Variants in SLC25A21 observed in about 807,000 individuals in gnomAD.
SLC25A21 encodes the protein solute carrier family 25 member 21, also known as mitochondrial 2-oxodicarboxylate carrier.
Under a neutral mutation model 43.8 loss-of-function variants are expected in SLC25A21, and 47 were observed. That is an observed-to-expected ratio of 1.07 (90% CI 0.85 to 1.37). The LOEUF is 1.37. Among genes scored for constraint, SLC25A21 ranks in the 40% most tolerant of loss-of-function variants. The pLI is 0.00. For synonymous variants in SLC25A21, 131 were observed against 121.3 expected, an observed-to-expected ratio of 1.08 and a Z score of -0.52; for missense variants, 352 against 350.2, an observed-to-expected ratio of 1.00 and a Z score of -0.04.
chr14:36,741,464 G>A (rs879325875), intron 3 of SLC25A21, among the ~76,000 whole-genome samples: 1 of 152,138 alleles, frequency 6.6e-6, no homozygotes, highest in Non-Finnish European at 1.5e-5. Flanking sequence ...CCTCCTAAAA[G>A]AGGAGAAGAT....
At chr14:36,844,462 T>A (rs1889481423) in intron 2 of SLC25A21, among the ~76,000 whole-genome samples, 1 of 152,036 alleles carries the variant, frequency 6.6e-6, no homozygotes, top group Admixed American at 6.5e-5. Context: ...CACATAAAAC[T>A]GGATTATCCA....
intron 3 of SLC25A21, among the ~76,000 whole-genome samples, chr14:36,756,287 T>C (rs1157281078): frequency 6.6e-6 from 1 of 152,226 alleles, no homozygotes; most frequent in Non-Finnish European, 1.5e-5. Context: ...TGGAAGACGA[T>C]GTTCGGCCGC....
At chr14:36,975,824 G>A (rs1329467492) in intron 1 of SLC25A21, among the ~76,000 whole-genome samples, 2 of 152,214 alleles carry the variant, frequency 1.3e-5, no homozygotes, top group Non-Finnish European at 2.9e-5. Flanking sequence ...AGGTGATGGA[G>A]CAACAGTCAC....
chr14:36,942,563 C>T (rs1256756722), intron 1 of SLC25A21, among the ~76,000 whole-genome samples: 2 of 152,032 alleles, frequency 1.3e-5, no homozygotes, highest in Non-Finnish European at 2.9e-5. Flanking sequence ...AACTATGCAA[C>T]CAAATGTTAT....
intron 1 of SLC25A21, among the ~76,000 whole-genome samples, chr14:37,129,663 G>T: frequency 6.9e-6 from 1 of 145,096 alleles, no homozygotes; most frequent in Non-Finnish European, 1.5e-5. Context: ...TAACCATTAA[G>T]TAACAGTTAT....
intron 1 of SLC25A21, among the ~76,000 whole-genome samples, chr14:36,957,283 C>T (rs1435407767): frequency 6.6e-6 from 1 of 152,240 alleles, no homozygotes; most frequent in Middle Eastern, 3.4e-3. Context: ...CAGGAAGACC[C>T]TAGGGAGGAA....
intron 1 of SLC25A21, among the ~76,000 whole-genome samples, chr14:36,880,501 G>A (rs1465559237): frequency 1.3e-5 from 2 of 152,066 alleles, no homozygotes; most frequent in Non-Finnish European, 2.9e-5. Flanking sequence ...GAAGCTCCAC[G>A]AGGACAGAGA....
At chr14:36,705,346 C>G (rs560027168) in intron 7 of SLC25A21, among the ~76,000 whole-genome samples, 1 of 152,148 alleles carries the variant, frequency 6.6e-6, no homozygotes, top group South Asian at 2.1e-4. Flanking sequence ...CGTCCGGCGG[C>G]TTACTGTTTT....
At position 36,846,484 on chromosome 14, in the gene SLC25A21, C is replaced by T. The variant is rs112198245; in HGVS notation, c.119+28472G>A. Among the ~76,000 whole-genome samples the T allele has an allele frequency of 3.4e-3, 521 of 152,118 alleles. 1 individual carries two copies. Among genetic ancestry groups the T allele is most frequent in the African/African-American group, 0.012 (482 of 41,490 alleles). On this transcript the variant is annotated intron_variant, in intron 2 of 9. Coordinates refer to ENST00000331299, the MANE Select transcript of SLC25A21 (RefSeq NM_030631.4). Reference sequence around the variant, plus strand: ...GCAACCTCCACCTCCTGGGTTCAGGCGATTCTCCTGCCTCAGCCTCCCAAG... The same window carrying T: ...GCAACCTCCACCTCCTGGGTTCAGGTGATTCTCCTGCCTCAGCCTCCCAAG...
intron 3 of SLC25A21, among the ~76,000 whole-genome samples, chr14:36,740,223 A>G (rs1885197870): frequency 6.6e-6 from 1 of 152,242 alleles, no homozygotes; most frequent in African/African-American, 2.4e-5. Flanking sequence ...ACTATTGTTA[A>G]GAAATGGTCT....
intron 1 of SLC25A21, among the ~76,000 whole-genome samples, chr14:37,005,153 A>G (rs1594748359): frequency 6.6e-6 from 1 of 151,942 alleles, no homozygotes; most frequent in Non-Finnish European, 1.5e-5. Flanking sequence ...TGGACAGCCA[A>G]CCTTCATACA....
At chr14:36,894,554 T>C (rs992638843) in intron 1 of SLC25A21, among the ~76,000 whole-genome samples, 3 of 152,016 alleles carry the variant, frequency 2.0e-5, no homozygotes, top group African/African-American at 7.3e-5. Flanking sequence ...CTGATTGCCC[T>C]GGCCAGAACT....
At chr14:36,947,690 G>A (rs1892709532) in intron 1 of SLC25A21, among the ~76,000 whole-genome samples, 1 of 152,084 alleles carries the variant, frequency 6.6e-6, no homozygotes, top group Admixed American at 6.6e-5. Context: ...AGAGTGTTCT[G>A]GTCACCTGCA....
At chr14:37,140,531 T>C (rs866099268) in intron 1 of SLC25A21, among the ~76,000 whole-genome samples, 6 of 152,278 alleles carry the variant, frequency 3.9e-5, no homozygotes, top group Non-Finnish European at 7.4e-5. Context: ...CACTGAGGTA[T>C]TGGGAGAATT....
At chr14:37,122,671 T>C (rs1394676029) in intron 1 of SLC25A21, among the ~76,000 whole-genome samples, 1 of 152,002 alleles carries the variant, frequency 6.6e-6, no homozygotes, top group African/African-American at 2.4e-5. Context: ...CTACACAAAA[T>C]TTACACTCCA....
At chr14:37,126,588 G>C (rs1963301643) in intron 1 of SLC25A21, among the ~76,000 whole-genome samples, 1 of 151,850 alleles carries the variant, frequency 6.6e-6, no homozygotes, top group South Asian at 2.1e-4. Context: ...ACGTATTTTT[G>C]CATAATTATA....
intron 2 of SLC25A21, among the ~76,000 whole-genome samples, chr14:36,863,957 C>T (rs183294904): frequency 6.6e-6 from 1 of 152,176 alleles, no homozygotes; most frequent in Non-Finnish European, 1.5e-5. Flanking sequence ...TTGGCTACAA[C>T]CCTTGCTAGC....
intron 1 of SLC25A21, among the ~76,000 whole-genome samples, chr14:37,096,192 T>C (rs1374643312): frequency 2.0e-5 from 3 of 152,308 alleles, no homozygotes; most frequent in East Asian, 3.9e-4. Context: ...AAGTGCATTA[T>C]TGGATCAAAC....
intron 2 of SLC25A21, among the ~76,000 whole-genome samples, chr14:36,867,210 G>T (rs1890237797): frequency 6.6e-6 from 1 of 152,084 alleles, no homozygotes; most frequent in Admixed American, 6.6e-5. Flanking sequence ...TCCACCAGAG[G>T]CTTGTAATCT....
Sources: allele counts gnomAD v4.1 joint callset (sites outside exome capture counted in the v4.1 genomes callset), GRCh38; gene constraint gnomAD v4.1.1; transcripts MANE v1.5; gene names NCBI Gene and HGNC (gene_info 2026-07-23, HGNC 2026-07-21).